STPG1: variants seen among roughly 807,000 people sequenced by gnomAD.
The protein encoded by STPG1 is sperm tail PG-rich repeat containing 1, also known as O(6)-methylguanine-induced apoptosis 2.
Under a neutral mutation model 40.1 loss-of-function variants are expected in STPG1, and 33 were observed. The ratio of observed to expected loss-of-function variants is 0.82; its 90% confidence interval spans 0.62 to 1.10. STPG1 has a LOEUF of 1.10. Among genes scored for constraint, STPG1 ranks in the 50% least tolerant of loss-of-function variants. The pLI is 0.00. For synonymous variants in STPG1, 150 were observed against 155.0 expected, an observed-to-expected ratio of 0.97 and a Z score of 0.24; for missense variants, 396 against 415.1, an observed-to-expected ratio of 0.95 and a Z score of 0.40.
chr1:24,398,334 CTT>C (rs1038774511), intron 2 of STPG1, among the ~76,000 whole-genome samples: 10 of 152,108 alleles, frequency 6.6e-5, no homozygotes, highest in Non-Finnish European at 1.5e-4. Context: ...TAGGAGCAAA[CTT>C]TGTTAATCTG....
At chr1:24,374,718 G>A (rs955447834) in intron 5 of STPG1, among the ~76,000 whole-genome samples, 2 of 151,944 alleles carry the variant, frequency 1.3e-5, no homozygotes, top group African/African-American at 2.4e-5. Context: ...TCTGCCTCCC[G>A]GGCTTAAGCA....
chr1:24,392,094 G>A (rs1187222410), intron 2 of STPG1: 4 of 990,772 alleles, frequency 4.0e-6, no homozygotes, highest in East Asian at 1.1e-4. Flanking sequence ...GCATTAGGCC[G>A]TTAAAATCCA....
intron 1 of STPG1, among the ~76,000 whole-genome samples, chr1:24,412,345 C>T (rs934046504): frequency 6.6e-6 from 1 of 152,180 alleles, no homozygotes; most frequent in African/African-American, 2.4e-5. Flanking sequence ...ACAAAATTCA[C>T]GAGACTCTCT....
In STPG1 at chr1:24,358,577, T is replaced by C; in HGVS notation, c.971A>G (p.Tyr324Cys). 1 of 1,614,062 alleles carries C rather than the reference T, an allele frequency of 6.2e-7. No homozygotes were observed. Among genetic ancestry groups the C allele is most frequent in the Non-Finnish European group, 8.5e-7 (1 of 1,179,948 alleles). The change falls in exon 9 of 9, where the codon TAC becomes TGC. Residue 324 changes from tyrosine (Y) to cysteine (C), a missense_variant. By Grantham distance (194) the Tyr-to-Cys change is radical. Coordinates refer to ENST00000337248, the MANE Select transcript of STPG1 (RefSeq NM_001199013.2). ...CGGGATCCATTTCTTGTCCTCGTTG[T>C]AGAGGAAGGACTGCTTTCCTGGAAG... ...PELPGKQSFL[Y>C]NEDKKWIPVL is the part of the protein sequence containing the mutation.
rs191355580 is a variant in STPG1, at chr1:24,401,868, G to C, written c.-68-412C>G. Among the ~76,000 whole-genome samples, 294 of 152,108 alleles carry C rather than the reference G, an allele frequency of 1.9e-3. 1 individual carries two copies. The highest frequency in any genetic ancestry group is 0.017 in the South Asian group (82 of 4,820). ...CCACCATCTGTAATTTGTATTTTTAGCAGAGATGGGGTTTCACTATGTTGG... is the reference window on the plus strand; with the variant it reads ...CCACCATCTGTAATTTGTATTTTTACCAGAGATGGGGTTTCACTATGTTGG... On this transcript the variant is annotated intron_variant, in intron 1 of 8. Coordinates refer to ENST00000337248, the MANE Select transcript of STPG1 (RefSeq NM_001199013.2).
intron 2 of STPG1, among the ~76,000 whole-genome samples, chr1:24,392,595 C>T (rs1253785015): frequency 1.3e-5 from 2 of 152,210 alleles, no homozygotes; most frequent in Non-Finnish European, 2.9e-5. Flanking sequence ...CCAAGCCAGG[C>T]TCCTTTCCCT....
chr1:24,412,057 A>G (rs1643702669), intron 1 of STPG1: 1 of 152,206 alleles, frequency 6.6e-6, no homozygotes, highest in Admixed American at 6.5e-5. Context: ...TGCAAGTCAT[A>G]GTCTGTAGTC....
At chr1:24,392,857 G>GAA (rs1210876338) in intron 2 of STPG1, among the ~76,000 whole-genome samples, 4 of 93,746 alleles carry the variant, frequency 4.3e-5, no homozygotes, top group Non-Finnish European at 9.6e-5. Flanking sequence ...CAGAAATGGG[G>GAA]GAAAAAAAAC....
intron 2 of STPG1, among the ~76,000 whole-genome samples, chr1:24,398,083 C>A (rs1203845398): frequency 6.6e-6 from 1 of 152,084 alleles, no homozygotes; most frequent in Non-Finnish European, 1.5e-5. Context: ...ACTTCACATT[C>A]TTATCAGCAA....
At chr1:24,385,646 T>G (rs1642474590) in intron 3 of STPG1, among the ~76,000 whole-genome samples, 1 of 152,204 alleles carries the variant, frequency 6.6e-6, no homozygotes, top group South Asian at 2.1e-4. Context: ...AAGGCCCACA[T>G]AACTAGTAAA....
At chr1:24,360,821 T>A in intron 8 of STPG1, 30 bp downstream of exon 8, 1 of 1,563,730 alleles carries the variant, frequency 6.4e-7, no homozygotes, top group South Asian at 1.2e-5. Flanking sequence ...AAGATTTGGT[T>A]TTTACAATCA....
intron 3 of STPG1, among the ~76,000 whole-genome samples, chr1:24,389,238 C>T (rs1642646492): frequency 6.6e-6 from 1 of 152,152 alleles, no homozygotes; most frequent in African/African-American, 2.4e-5. Flanking sequence ...GGCTTGCTTT[C>T]TGAATTTGAG....
At chr1:24,390,840 C>T (rs1446749445) in intron 3 of STPG1, among the ~76,000 whole-genome samples, 2 of 151,016 alleles carry the variant, frequency 1.3e-5, no homozygotes, top group African/African-American at 4.9e-5. Flanking sequence ...AGCTCTGTCA[C>T]CCAGGCTAGG....
chr1:24,368,476 G>A (rs566596034), intron 7 of STPG1, among the ~76,000 whole-genome samples: 2 of 152,210 alleles, frequency 1.3e-5, no homozygotes, highest in South Asian at 4.1e-4. Flanking sequence ...GCATGGGTGA[G>A]AGCTGAGATG....
In STPG1 at chr1:24,401,452, A is replaced by C; in HGVS notation, c.-64T>G. 7.0e-7 allele frequency: 1 copy of C among 1,420,128 alleles called. No homozygotes were observed. Among genetic ancestry groups the C allele is most frequent in the Non-Finnish European group, 9.9e-7 (1 of 1,008,218 alleles). 88.0% of individuals were successfully genotyped at this position (1,420,128 alleles called of 1,614,324 possible). On this transcript the variant is annotated 5_prime_UTR_variant, in exon 2 of 9. Coordinates refer to ENST00000337248, the MANE Select transcript of STPG1 (RefSeq NM_001199013.2). Reference sequence around the variant, plus strand: ...AAAAGTTCTACTGCATGTTCTCCTAAGCACCTGAAACAGCAAAACACAGCA... The same window carrying C: ...AAAAGTTCTACTGCATGTTCTCCTACGCACCTGAAACAGCAAAACACAGCA...
chr1:24,389,872 C>CTG (rs538730902), intron 3 of STPG1, among the ~76,000 whole-genome samples: 1 of 152,090 alleles, frequency 6.6e-6, no homozygotes, highest in East Asian at 1.9e-4. Context: ...TGATTTAAAA[C>CTG]TGTGTGTGTG....
intron 5 of STPG1, among the ~76,000 whole-genome samples, chr1:24,375,521 GTTAA>G (rs1641982717): frequency 6.6e-6 from 1 of 152,188 alleles, no homozygotes; most frequent in African/African-American, 2.4e-5. Flanking sequence ...GATGGGACAG[GTTAA>G]TTACTGGACA....
intron 1 of STPG1, among the ~76,000 whole-genome samples, chr1:24,411,052 G>A (rs774026354): frequency 6.6e-5 from 10 of 152,116 alleles, no homozygotes; most frequent in Admixed American, 3.3e-4. Context: ...CATGTGAAGT[G>A]GTTAACACTG....
rs528103845 is a variant in STPG1 at position 24,359,445 on chromosome 1, C to T, written c.929-826G>A. On this transcript the variant is annotated intron_variant, in intron 8 of 8. Coordinates refer to ENST00000337248, the MANE Select transcript of STPG1 (RefSeq NM_001199013.2). This position sits in a 1 kb window ranked among gnomAD's most constrained non-coding sequence, Gnocchi z 5.3. ...TGCATGTTTGCAATGCTGAGTTCTC[C>T]TCGACTGACTAGATGAGCCCCAGAT... Among the ~76,000 whole-genome samples the T allele has an allele frequency of 1.6e-4, 25 of 152,346 alleles. No individual in the cohort carries two copies. Among genetic ancestry groups the T allele is most frequent in the African/African-American group, 6.0e-4 (25 of 41,584 alleles).
Sources: allele counts gnomAD v4.1 joint callset (sites outside exome capture counted in the v4.1 genomes callset), GRCh38; gene constraint gnomAD v4.1.1; non-coding constraint Gnocchi (gnomAD v3.1); transcripts MANE v1.5; gene names NCBI Gene and HGNC (gene_info 2026-07-23, HGNC 2026-07-21).